Variants in PCDHGB2 observed in about 807,000 individuals in gnomAD.
PCDHGB2 encodes the protein protocadherin gamma-B2.
Under a neutral mutation model 59.3 loss-of-function variants are expected in PCDHGB2, and 55 were observed. The observed-to-expected ratio is 0.93, with a 90% CI of 0.75 to 1.16. The LOEUF is 1.16. Among genes scored for constraint, PCDHGB2 ranks in the 50% most tolerant of loss-of-function variants. PCDHGB2 has a pLI of 0.00. For missense variants in PCDHGB2, 1,228 were observed against 1,198.5 expected (o/e 1.02, Z -0.36); for synonymous variants, 516 against 512.0 (o/e 1.01, Z -0.11).
intron 1 of PCDHGB2, among the ~76,000 whole-genome samples, chr5:141,458,909 T>G (rs548847649): frequency 6.6e-6 from 1 of 152,192 alleles, no homozygotes; most frequent in African/African-American, 2.4e-5. Context: ...TTTTTTCTAT[T>G]TTTTGTGGAG....
chr5:141,376,908 C>T, intron 1 of PCDHGB2: 1 of 187,054 alleles, frequency 5.3e-6, no homozygotes, highest in Non-Finnish European at 1.1e-5. Flanking sequence ...AGGATGGTCT[C>T]GATCTCCTGA....
At chr5:141,458,989 T>C (rs1341538997) in intron 1 of PCDHGB2, among the ~76,000 whole-genome samples, 1 of 152,134 alleles carries the variant, frequency 6.6e-6, no homozygotes, top group Non-Finnish European at 1.5e-5. Flanking sequence ...TGCCTCACCC[T>C]CCCAAAGTGC....
At chr5:141,372,610 T>A in intron 1 of PCDHGB2, 3 of 1,613,984 alleles carry the variant, frequency 1.9e-6, no homozygotes, top group Non-Finnish European at 2.5e-6. Flanking sequence ...GTACCTGGAG[T>A]TCTCCCCACC....
At chr5:141,374,357 C>T (rs1490017184) in intron 1 of PCDHGB2, 1 of 1,614,018 alleles carries the variant, frequency 6.2e-7, no homozygotes, top group South Asian at 1.1e-5. Context: ...TAGGATAGAC[C>T]GCGAGGAGCT....
intron 1 of PCDHGB2, chr5:141,385,487 A>T (rs1781222873): frequency 5.6e-6 from 8 of 1,416,434 alleles, no homozygotes; most frequent in Non-Finnish European, 6.4e-6. Context: ...TATAGAACAC[A>T]TAGGATATAG....
At chr5:141,502,525 G>A (rs1258704254) in intron 2 of PCDHGB2, among the ~76,000 whole-genome samples, 1 of 152,074 alleles carries the variant, frequency 6.6e-6, no homozygotes, top group Non-Finnish European at 1.5e-5. Flanking sequence ...CAGTGATGCC[G>A]AGTTTGTTCG....
At chr5:141,449,737 A>T (rs1174103155) in intron 1 of PCDHGB2, among the ~76,000 whole-genome samples, 3 of 151,666 alleles carry the variant, frequency 2.0e-5, no homozygotes, top group Non-Finnish European at 4.4e-5. Flanking sequence ...TTTTTATGAC[A>T]TGATTATTTT....
intron 1 of PCDHGB2, chr5:141,433,165 C>T: frequency 2.5e-6 from 4 of 1,613,470 alleles, no homozygotes; most frequent in Non-Finnish European, 2.5e-6. Context: ...TTTCTAAAGA[C>T]AGTCATGGGT....
intron 1 of PCDHGB2, chr5:141,403,278 T>C (rs1254967384): frequency 1.2e-6 from 2 of 1,613,784 alleles, no homozygotes; most frequent in Non-Finnish European, 1.7e-6. Context: ...TTTAAAGTCC[T>C]GGTTGAAGAC....
chr5:141,483,711 A>G (rs1258383632), intron 1 of PCDHGB2, among the ~76,000 whole-genome samples: 2 of 152,122 alleles, frequency 1.3e-5, no homozygotes, highest in African/African-American at 2.4e-5. Context: ...TGACACCAGA[A>G]TATTGGTTCC....
chr5:141,364,866 C>A (rs749361969), intron 1 of PCDHGB2: 1 of 1,614,016 alleles, frequency 6.2e-7, no homozygotes, highest in Non-Finnish European at 8.5e-7. Context: ...CTGCACTTCT[C>A]TCTGGATGTG....
intron 1 of PCDHGB2, chr5:141,375,025 T>C (rs1771054334): frequency 3.7e-6 from 6 of 1,614,042 alleles, no homozygotes; most frequent in Non-Finnish European, 5.1e-6. Flanking sequence ...ACTCGAGTTT[T>C]TATGAGCTGG....
At chr5:141,407,286 T>A (rs1409712341) in intron 1 of PCDHGB2, among the ~76,000 whole-genome samples, 1 of 152,234 alleles carries the variant, frequency 6.6e-6, no homozygotes, top group Non-Finnish European at 1.5e-5. Flanking sequence ...TTGTTACAAT[T>A]TCTGTTCTGA....
chr5:141,365,818 T>A (rs1440466121), intron 1 of PCDHGB2: 1 of 1,613,894 alleles, frequency 6.2e-7, no homozygotes. Context: ...AAGACACATT[T>A]CAGGGGGCGC....
chr5:141,394,353 C>G (rs759128487), intron 1 of PCDHGB2: 11 of 1,614,178 alleles, frequency 6.8e-6, no homozygotes, highest in East Asian at 4.5e-5. Flanking sequence ...CACCGGTGTC[C>G]TGTATGCGCT....
intron 1 of PCDHGB2, among the ~76,000 whole-genome samples, chr5:141,447,405 T>C (rs1045202682): frequency 6.6e-6 from 1 of 152,068 alleles, no homozygotes; most frequent in Non-Finnish European, 1.5e-5. Context: ...CCCAAAGTGC[T>C]GGGATTACAG....
chr5:141,456,814 ATTAGCCATCGTGG>A (rs2098889077), intron 1 of PCDHGB2, among the ~76,000 whole-genome samples: 1 of 151,928 alleles, frequency 6.6e-6, no homozygotes, highest in Non-Finnish European at 1.5e-5. Context: ...AATACAAAAA[ATTAGCCATCGTGG>A]TAGTGGGCGC....
At chr5:141,371,390 A>G in intron 1 of PCDHGB2, 1 of 1,614,000 alleles carries the variant, frequency 6.2e-7, no homozygotes, top group East Asian at 2.2e-5. Flanking sequence ...CATATTGTAA[A>G]GTACAGATAG....
At chr5:141,413,623 G>A (rs1454358985) in intron 1 of PCDHGB2, 2 of 1,613,752 alleles carry the variant, frequency 1.2e-6, no homozygotes, top group African/African-American at 1.3e-5. Flanking sequence ...TAATGAAAAT[G>A]TCGCTGCGGG....
Sources: gnomAD v4.1 joint callset for allele counts (sites outside exome capture counted in the v4.1 genomes callset) on GRCh38, gnomAD v4.1.1 for gene constraint, MANE v1.5 for transcripts, NCBI Gene and HGNC (gene_info 2026-07-23, HGNC 2026-07-21) for gene names.